CRYBG3: variants seen among roughly 807,000 people sequenced by gnomAD.
The protein encoded by CRYBG3 is very large A-kinase anchor protein.
Under a neutral mutation model 244.2 loss-of-function variants are expected in CRYBG3, and 127 were observed. The ratio of observed to expected loss-of-function variants is 0.52; its 90% CI spans 0.45 to 0.60. The LOEUF (loss-of-function observed/expected upper bound fraction) is 0.60. CRYBG3 is among the 20% of genes least tolerant of loss of function. The probability of loss-of-function intolerance (pLI) is 0.00; values close to 1 mark genes in which losing one functional copy is unlikely to be tolerated. For missense variants in CRYBG3, 3,325 were observed against 3,442.5 expected (o/e 0.97, Z 0.85); for synonymous variants, 1,132 against 1,195.8 (o/e 0.95, Z 1.10).
At chr3:97,888,496 C>T in intron 9 of CRYBG3, 41 bp downstream of exon 9, 2 of 1,269,052 alleles carry the variant, frequency 1.6e-6, no homozygotes, top group Admixed American at 1.7e-5. Flanking sequence ...TCCCAAGTAC[C>T]CATGAATCCA....
At chr3:97,923,974 A>T (rs2040012933) in intron 17 of CRYBG3, among the ~76,000 whole-genome samples, 1 of 152,092 alleles carries the variant, frequency 6.6e-6, no homozygotes, top group African/African-American at 2.4e-5. Context: ...AATTTGGAAA[A>T]GCTATTGGGT....
At chr3:97,850,028 G>A (rs971206092) in intron 2 of CRYBG3, among the ~76,000 whole-genome samples, 7 of 152,028 alleles carry the variant, frequency 4.6e-5, no homozygotes, top group African/African-American at 1.7e-4. Flanking sequence ...GGGTGATAAA[G>A]CCTGCTATTT....
In CRYBG3 at chr3:97,881,166, A is replaced by G; in HGVS notation, c.7099A>G (p.Arg2367Gly). Residue 2367 changes from arginine (R) to glycine (G), a missense_variant, in exon 7 of 22, where the codon AGA becomes GGA. Physicochemically the swap from Arg to Gly is moderately radical, Grantham distance 125. Transcript: ENST00000389622. ...AAATCGTGACTGGATTCTTCAGAAC[A>G]GAAGGCATCCACAAAGAAACTTTAT... Reference protein sequence around the residue: ...VLNRDWILQNRRHPQRNFILG... With the variant: ...VLNRDWILQNGRHPQRNFILG... 6.2e-7 allele frequency: 1 copy of G among 1,611,796 alleles called. No individual in the cohort carries two copies. Among genetic ancestry groups the G allele is most frequent in the Non-Finnish European group, 8.5e-7 (1 of 1,178,760 alleles).
At chr3:97,851,793 A>G (rs1408881493) in intron 2 of CRYBG3, among the ~76,000 whole-genome samples, 5 of 152,124 alleles carry the variant, frequency 3.3e-5, no homozygotes, top group Non-Finnish European at 7.4e-5. Flanking sequence ...ATGCTCAGCC[A>G]TTGGAGGGAT....
intron 9 of CRYBG3, 128 bp from the exon 10 acceptor site, chr3:97,889,227 G>A: frequency 1.4e-6 from 1 of 726,806 alleles, no homozygotes; most frequent in Non-Finnish European, 2.3e-6. Flanking sequence ...AGCACAATTT[G>A]AATTTGACTG....
chr3:97,824,667 G>T (rs1298310298), intron 1 of CRYBG3, among the ~76,000 whole-genome samples: 2 of 152,148 alleles, frequency 1.3e-5, no homozygotes, highest in Non-Finnish European at 2.9e-5. Flanking sequence ...AATTAAAGAA[G>T]GCCTATTAGC....
rs1289522358 is a variant in CRYBG3, at chr3:97,884,439, A to T, written c.7153-2192A>T. ...GAGGTATCTTATATAAGGTAGAGAC[A>T]AATATATTTTCTTACTGTGTTTGTT... On this transcript the variant is annotated intron_variant, in intron 7 of 21. Transcript: ENST00000389622. 3.9e-5 allele frequency among the ~76,000 whole-genome samples: 6 copies of T among 152,136 alleles called. No homozygotes were observed. In the East Asian group the frequency reaches 1.2e-3, roughly 29 times the overall value.
intron 1 of CRYBG3, among the ~76,000 whole-genome samples, chr3:97,831,024 A>G (rs2038647426): frequency 6.6e-6 from 1 of 152,222 alleles, no homozygotes; most frequent in African/African-American, 2.4e-5. Flanking sequence ...AAATCAACTG[A>G]CAAGAGGCAG....
intron 11 of CRYBG3, among the ~76,000 whole-genome samples, chr3:97,894,773 A>G (rs2039622536): frequency 6.6e-6 from 1 of 152,190 alleles, no homozygotes; most frequent in African/African-American, 2.4e-5. Context: ...CTTAGAATTT[A>G]AAAGTTGTTT....
intron 19 of CRYBG3, among the ~76,000 whole-genome samples, chr3:97,938,941 CAG>C (rs1339432267): frequency 6.6e-6 from 1 of 151,896 alleles, no homozygotes; most frequent in Non-Finnish European, 1.5e-5. Context: ...TCATGTGGAA[CAG>C]GGAGTAAGCC....
At chr3:97,933,565 C>A (rs1370857060) in intron 17 of CRYBG3, 129 bp from the exon 18 acceptor site, 6 of 926,490 alleles carry the variant, frequency 6.5e-6, no homozygotes, top group East Asian at 2.4e-5. Flanking sequence ...ACTATAGCAA[C>A]CTTAGAGAGT....
At chr3:97,900,008 G>A (rs894978826) in intron 14 of CRYBG3, among the ~76,000 whole-genome samples, 2 of 152,152 alleles carry the variant, frequency 1.3e-5, no homozygotes, top group South Asian at 2.1e-4. Context: ...GGTTATTTGA[G>A]ATCCATAGCC....
chr3:97,874,947 G>T lies in CRYBG3; in HGVS notation c.3753G>T (p.Val1251=). ...EDISEKNPSE[V]TLTEIQQTEG... ...TCTCTGAGAAAAACCCATCAGAAGTGACACTAACAGAAATACAACAGACAG... is the reference window on the plus strand; with the variant it reads ...TCTCTGAGAAAAACCCATCAGAAGTTACACTAACAGAAATACAACAGACAG... Residue 1251 remains valine (V), a synonymous_variant, in exon 4 of 22, where the codon GTG becomes GTT. Transcript: ENST00000389622. The T allele has an allele frequency of 6.5e-7, 1 of 1,535,904 alleles. No individual in the cohort carries two copies. The highest frequency in any genetic ancestry group is 1.2e-5 in the South Asian group (1 of 84,008).
Position 97,895,493 on chromosome 3 carries a change from G to A in CRYBG3, c.7575-466G>A, listed in dbSNP as rs574077173. ...TATTTTGTTTTAGAACTGAAGCCTC[G>A]TGACAGATTCGCTTTATTTAAACCC... On this transcript the variant is annotated intron_variant, in intron 11 of 21. Coordinates refer to ENST00000389622, the MANE Select transcript of CRYBG3 (RefSeq NM_153605.4). Among the ~76,000 whole-genome samples the A allele has an allele frequency of 5.3e-5, 8 of 152,236 alleles. No individual in the cohort carries two copies. The East Asian group carries it at 7.7e-4, about 15-fold the overall frequency.
chr3:97,933,018 C>G, intron 17 of CRYBG3: 1 of 404,720 alleles, frequency 2.5e-6, no homozygotes, highest in Non-Finnish European at 4.8e-6. Flanking sequence ...TTTAATTTAA[C>G]TATTTGTTAG....
chr3:97,908,706 G>C (rs1268946673), intron 15 of CRYBG3, among the ~76,000 whole-genome samples: 4 of 152,236 alleles, frequency 2.6e-5, no homozygotes, highest in Middle Eastern at 3.4e-3. Context: ...TATCCAATTT[G>C]CCAGTCTGTG....
intron 7 of CRYBG3, among the ~76,000 whole-genome samples, chr3:97,885,460 G>A (rs77774064): frequency 0.015 from 2,270 of 152,136 alleles, 54 homozygotes; most frequent in African/African-American, 0.052. Flanking sequence ...GAGTTGTATC[G>A]AGTTCTATCA....
In CRYBG3 at chr3:97,879,882, A is replaced by G. The variant is rs1248970104; in HGVS notation, c.6889-103A>G. ...CATCTAAAGTAACATTTGCTTTTGT[A>G]TATTTAGGATATTTATTTCTATGTT... On this transcript the variant is annotated intron_variant, in intron 5 of 21. Transcript: ENST00000389622. The G allele has an allele frequency of 1.3e-5, 12 of 890,160 alleles. 1 individual carries two copies. Among genetic ancestry groups the G allele is most frequent in the Middle Eastern group, 5.4e-4 (2 of 3,716 alleles). 55.1% of individuals were successfully genotyped at this position (890,160 alleles called of 1,614,324 possible).
intron 17 of CRYBG3, chr3:97,933,163 A>G (rs2040117656): frequency 2.2e-6 from 1 of 445,906 alleles, no homozygotes; most frequent in South Asian, 1.6e-5. Context: ...GATGGGTTGA[A>G]GAAATACTTT....
Sources: allele counts gnomAD v4.1 joint callset (sites outside exome capture counted in the v4.1 genomes callset), GRCh38; gene constraint gnomAD v4.1.1; transcripts MANE v1.5; gene names NCBI Gene and HGNC (gene_info 2026-07-23, HGNC 2026-07-21).